The following MGAT5 variants were observed in gnomAD, a reference collection of about 807,000 sequenced individuals.
The protein encoded by MGAT5 is alpha-1,6-mannosylglycoprotein 6-beta-N-acetylglucosaminyltransferase, also known as alpha-1,6-mannosylglycoprotein 6-beta-N-acetylglucosaminyltransferase A.
Under a neutral mutation model 94.3 loss-of-function variants are expected in MGAT5, and 30 were observed. The observed-to-expected ratio is 0.32, with a 90% CI of 0.24 to 0.43. The LOEUF is 0.43. MGAT5 is among the 20% of genes least tolerant of loss of function. The pLI, the probability that MGAT5 is intolerant of heterozygous loss-of-function variation, is 1.00. For missense variants in MGAT5, 691 were observed against 905.5 expected, an observed-to-expected ratio of 0.76 and a Z score of 3.04; for synonymous variants, 310 against 322.9, an observed-to-expected ratio of 0.96 and a Z score of 0.43.
At chr2:134,195,036 A>G (rs900107268) in intron 1 of MGAT5, among the ~76,000 whole-genome samples, 1 of 152,186 alleles carries the variant, frequency 6.6e-6, no homozygotes. Context: ...TGAAAGTCAC[A>G]TACCTATTTT....
chr2:134,201,246 A>G (rs968955394), intron 1 of MGAT5, among the ~76,000 whole-genome samples: 13 of 152,210 alleles, frequency 8.5e-5, no homozygotes, highest in African/African-American at 2.6e-4. Flanking sequence ...ACCAATAGCT[A>G]TAGTCGAGTG....
At chr2:134,195,303 T>G (rs1298735134) in intron 1 of MGAT5, among the ~76,000 whole-genome samples, 4 of 152,240 alleles carry the variant, frequency 2.6e-5, no homozygotes, top group African/African-American at 9.6e-5. Context: ...CTTTACATTT[T>G]TAACTCAGAA....
rs1191333910 is a variant in MGAT5, at chr2:134,278,050, A to T, written c.406+7500A>T. Reference sequence around the variant, plus strand: ...TTTGTGGGATGCTGTTGAGAGGTTCAGACATGGGAGCCATCTTTAAGAACC... The same window carrying T: ...TTTGTGGGATGCTGTTGAGAGGTTCTGACATGGGAGCCATCTTTAAGAACC... On this transcript the variant is annotated intron_variant, in intron 2 of 15. Transcript: ENST00000281923. 2.0e-5 allele frequency among the ~76,000 whole-genome samples: 3 copies of T among 152,208 alleles called. No individual in the cohort carries two copies. The East Asian group carries it at 5.8e-4, about 29-fold the overall frequency.
At chr2:134,183,918 C>T (rs528241183) in intron 1 of MGAT5, among the ~76,000 whole-genome samples, 5 of 152,114 alleles carry the variant, frequency 3.3e-5, no homozygotes, top group African/African-American at 4.8e-5. Flanking sequence ...CCAGCCGAGA[C>T]GAAAATGAAC....
chr2:134,185,634 C>A (rs1024875564), intron 1 of MGAT5, among the ~76,000 whole-genome samples: 1 of 152,164 alleles, frequency 6.6e-6, no homozygotes, highest in African/African-American at 2.4e-5. Flanking sequence ...CCCCTAGATT[C>A]ATATCAGTGA....
intron 1 of MGAT5, among the ~76,000 whole-genome samples, chr2:134,159,893 C>T (rs146033455): frequency 4.3e-4 from 65 of 152,270 alleles, no homozygotes; most frequent in East Asian, 1.4e-3. Context: ...CAGTTGCTGG[C>T]GTGGCATATC....
intron 10 of MGAT5, among the ~76,000 whole-genome samples, chr2:134,387,029 A>C (rs2106229744): frequency 6.6e-6 from 1 of 152,152 alleles, no homozygotes; most frequent in East Asian, 1.9e-4. Context: ...TGGGAGGCCA[A>C]GGTGGGCAGA....
At chr2:134,362,804 A>G (rs1479716760) in intron 10 of MGAT5, among the ~76,000 whole-genome samples, 2 of 152,224 alleles carry the variant, frequency 1.3e-5, no homozygotes, top group African/African-American at 4.8e-5. Flanking sequence ...CTGTGGAGGT[A>G]GGCAGTTCCC....
At chr2:134,285,650 T>C (rs1237178909) in intron 2 of MGAT5, among the ~76,000 whole-genome samples, 2 of 152,236 alleles carry the variant, frequency 1.3e-5, no homozygotes, top group Admixed American at 1.3e-4. Flanking sequence ...CCCTGACTTT[T>C]GTTCTGGAAA....
chr2:134,129,988 G>C (rs995367864), intron 1 of MGAT5, among the ~76,000 whole-genome samples: 1 of 152,180 alleles, frequency 6.6e-6, no homozygotes, highest in Non-Finnish European at 1.5e-5. Context: ...ACAGGCCAGC[G>C]CAAGTTCCAG....
chr2:134,189,349 C>T (rs988381985), intron 1 of MGAT5, among the ~76,000 whole-genome samples: 1 of 152,162 alleles, frequency 6.6e-6, no homozygotes, highest in Non-Finnish European at 1.5e-5. Context: ...ACTCCTACTA[C>T]AGCAGGTAGT....
chr2:134,435,087 T>A (rs145651556), intron 14 of MGAT5, among the ~76,000 whole-genome samples: 3 of 151,244 alleles, frequency 2.0e-5, no homozygotes, highest in African/African-American at 7.3e-5. Context: ...GTCTCTCTGC[T>A]GCTGCTTTGC....
intron 4 of MGAT5, among the ~76,000 whole-genome samples, chr2:134,320,548 A>C (rs935866696): frequency 6.6e-6 from 1 of 152,056 alleles, no homozygotes; most frequent in African/African-American, 2.4e-5. Flanking sequence ...CTTGTGAAAC[A>C]GGTTCTGGCC....
chr2:134,242,763 C>T (rs927191224), intron 1 of MGAT5, among the ~76,000 whole-genome samples: 5 of 152,150 alleles, frequency 3.3e-5, no homozygotes, highest in Admixed American at 3.3e-4. Context: ...TTGTAGACAT[C>T]GAGGCTTTTG....
intron 1 of MGAT5, among the ~76,000 whole-genome samples, chr2:134,132,892 C>T (rs901328867): frequency 6.6e-6 from 1 of 152,254 alleles, no homozygotes; most frequent in Non-Finnish European, 1.5e-5. Flanking sequence ...TCTAACATTA[C>T]ACCCGATTGG....
At chr2:134,147,791 A>T (rs1177667270) in intron 1 of MGAT5, among the ~76,000 whole-genome samples, 1 of 152,164 alleles carries the variant, frequency 6.6e-6, no homozygotes, top group African/African-American at 2.4e-5. Context: ...TTCCACGTCT[A>T]TGCCTGGCAG....
At chr2:134,256,951 A>T (rs1226857652) in intron 1 of MGAT5, among the ~76,000 whole-genome samples, 1 of 152,148 alleles carries the variant, frequency 6.6e-6, no homozygotes, top group Non-Finnish European at 1.5e-5. Context: ...CTGGGGGGTT[A>T]TCACATGGTG....
At chr2:134,161,819 T>A (rs915436338) in intron 1 of MGAT5, among the ~76,000 whole-genome samples, 1 of 152,188 alleles carries the variant, frequency 6.6e-6, no homozygotes, top group African/African-American at 2.4e-5. Context: ...TTTTTCTTTC[T>A]AGAAGGACCT....
At chr2:134,365,334 T>C (rs1680359835) in intron 10 of MGAT5, among the ~76,000 whole-genome samples, 1 of 152,218 alleles carries the variant, frequency 6.6e-6, no homozygotes, top group South Asian at 2.1e-4. Context: ...GATTGGACCC[T>C]GGAGTTGTCC....
Sources: gnomAD v4.1 joint callset for allele counts (sites outside exome capture counted in the v4.1 genomes callset) on GRCh38, gnomAD v4.1.1 for gene constraint, MANE v1.5 for transcripts, NCBI Gene and HGNC (gene_info 2026-07-23, HGNC 2026-07-21) for gene names.